The following CNTD1 variants were observed in gnomAD, a reference collection of about 807,000 sequenced individuals.
CNTD1 encodes the protein cyclin N-terminal domain-containing protein 1.
CNTD1 carries 17 observed loss-of-function variants against 36.3 expected under a neutral mutation model. That is an observed-to-expected ratio of 0.47 (90% CI 0.32 to 0.70). The LOEUF is 0.70. Among genes scored for constraint, CNTD1 ranks in the 30% least tolerant of loss-of-function variants. The pLI is 0.03. For synonymous variants in CNTD1, 128 were observed against 153.3 expected (o/e 0.83, Z 1.22); for missense variants, 338 against 386.1 (o/e 0.88, Z 1.04).
intron 6 of CNTD1, among the ~76,000 whole-genome samples, chr17:42,808,310 A>G (rs541528212): frequency 2.6e-5 from 4 of 152,166 alleles, no homozygotes; most frequent in African/African-American, 9.6e-5. Context: ...GCACTTTAGG[A>G]GGCCGAGGTG....
intron 3 of CNTD1, chr17:42,805,516 C>A: frequency 2.6e-6 from 1 of 389,278 alleles, no homozygotes; most frequent in South Asian, 3.5e-5. Context: ...TAGAAAACAG[C>A]CTGTGTAGTG....
At chr17:42,804,484 A>T in intron 3 of CNTD1, 88 bp downstream of exon 3, 3 of 1,089,206 alleles carry the variant, frequency 2.8e-6, no homozygotes, top group Non-Finnish European at 4.0e-6. Flanking sequence ...GCTTCAAGTC[A>T]GTGACAAGAA....
intron 3 of CNTD1, 185 bp from the exon 4 acceptor site, chr17:42,805,537 G>A: frequency 2.0e-6 from 1 of 489,068 alleles, no homozygotes; most frequent in South Asian, 2.4e-5. Context: ...GCTTGGAGAG[G>A]GACAGCATGG....
At position 42,810,950 on chromosome 17, in the gene CNTD1, C is replaced by G. The variant is rs747199925; in HGVS notation, c.*1415C>G. On this transcript the variant is annotated 3_prime_UTR_variant, in exon 7 of 7. Coordinates refer to ENST00000588408, the MANE Select transcript of CNTD1 (RefSeq NM_173478.3). Reference sequence around the variant, plus strand: ...CATCCTGCAGATGGACAGAGCAAAACTCATTAGTAACTGAGATCTGAGTTA... The same window carrying G: ...CATCCTGCAGATGGACAGAGCAAAAGTCATTAGTAACTGAGATCTGAGTTA... 1 of 1,557,664 alleles carries G rather than the reference C, an allele frequency of 6.4e-7. No homozygotes were observed. The highest frequency in any genetic ancestry group is 1.9e-5 in the Admixed American group (1 of 51,338).
rs992839917 is a variant in CNTD1, at chr17:42,806,837, G to C, written c.725+19G>C. On this transcript the variant is annotated intron_variant, in intron 5 of 6. Coordinates refer to ENST00000588408, the MANE Select transcript of CNTD1 (RefSeq NM_173478.3). ...TGCAAGGGTAAGACAACTCCTATAG[G>C]GTAGGCTCCTTCCAGGAACAGGGAA... is the stretch of plus-strand genomic sequence containing the variant. 5 of 1,612,782 alleles carry C rather than the reference G, an allele frequency of 3.1e-6. No homozygotes were observed. Among genetic ancestry groups the C allele is most frequent in the Non-Finnish European group, 3.4e-6 (4 of 1,179,298 alleles).
At position 42,809,622 on chromosome 17, in the gene CNTD1, A is replaced by C; in HGVS notation, c.*87A>C. 3 of 1,238,844 alleles carry C rather than the reference A, an allele frequency of 2.4e-6. No homozygotes were observed. Among genetic ancestry groups the C allele is most frequent in the African/African-American group, 1.5e-5 (1 of 66,306 alleles). 76.7% of individuals were successfully genotyped at this position (1,238,844 alleles called of 1,614,324 possible). On this transcript the variant is annotated 3_prime_UTR_variant, in exon 7 of 7. Coordinates refer to ENST00000588408, the MANE Select transcript of CNTD1 (RefSeq NM_173478.3). The stretch of plus-strand genomic sequence containing the variant: ...TTACTTTCATACTAAGGGTACAAAA[A>C]TTCCAAGTCTCTTTTGAACTGTATT...
chr17:42,801,176 C>T (rs1156635150), intron 1 of CNTD1, among the ~76,000 whole-genome samples: 1 of 143,260 alleles, frequency 7.0e-6, no homozygotes, highest in Non-Finnish European at 1.5e-5. Flanking sequence ...CAGAGCAAGA[C>T]TCTGTCTCCC....
At chr17:42,805,563 T>C in intron 3 of CNTD1, 159 bp from the exon 4 acceptor site, 1 of 605,268 alleles carries the variant, frequency 1.7e-6, no homozygotes, top group East Asian at 3.2e-5. Flanking sequence ...TTGGGAACTG[T>C]AAGCAATTTG....
rs1249393601 is a variant in CNTD1, at chr17:42,809,511, G to C, written c.969G>C (p.Lys323Asn). Residue 323 changes from lysine (K) to asparagine (N), a missense_variant, in exon 7 of 7, where the codon AAG becomes AAC. Lys to Asn is a moderately conservative substitution (Grantham distance 94). Coordinates refer to ENST00000588408, the MANE Select transcript of CNTD1 (RefSeq NM_173478.3). ...IPPHLAARALKTVASSNT is the reference protein window; with the variant it reads ...IPPHLAARALNTVASSNT The stretch of plus-strand genomic sequence containing the variant: ...CCCACCTGGCAGCCAGAGCTCTGAA[G>C]ACTGTTGCTTCCTCTAACACATGAG... 3 of 1,614,048 alleles carry C rather than the reference G, an allele frequency of 1.9e-6. No individual in the cohort carries two copies. Among genetic ancestry groups the C allele is most frequent in the Non-Finnish European group, 2.5e-6 (3 of 1,180,008 alleles).
intron 1 of CNTD1, among the ~76,000 whole-genome samples, chr17:42,800,855 A>G (rs1255118257): frequency 6.6e-6 from 1 of 152,174 alleles, no homozygotes; most frequent in Non-Finnish European, 1.5e-5. Context: ...TAAACGGTTG[A>G]GCCTGGAAGA....
intron 3 of CNTD1, 110 bp from the exon 4 acceptor site, chr17:42,805,612 C>G (rs897962924): frequency 1.9e-5 from 18 of 962,680 alleles, no homozygotes; most frequent in Non-Finnish European, 2.3e-5. Context: ...TACCAAGAGA[C>G]AAGACTGAAG....
At chr17:42,800,224 C>T (rs563392332) in intron 1 of CNTD1, among the ~76,000 whole-genome samples, 2 of 151,758 alleles carry the variant, frequency 1.3e-5, no homozygotes, top group East Asian at 1.9e-4. Flanking sequence ...ATAAAACAAG[C>T]GTTTATGGGG....
chr17:42,806,637 T>C (rs2054883137), intron 4 of CNTD1, 37 bp from the exon 5 acceptor site: 2 of 1,604,872 alleles, frequency 1.2e-6, no homozygotes, highest in Non-Finnish European at 1.7e-6. Flanking sequence ...GAAGACATGA[T>C]CATAAATTCT....
chr17:42,808,993 G>A (rs2054935167), intron 6 of CNTD1, among the ~76,000 whole-genome samples: 1 of 152,228 alleles, frequency 6.6e-6, no homozygotes, highest in Non-Finnish European at 1.5e-5. Flanking sequence ...AGGCTGCAGT[G>A]AGCCAAAAAT....
In CNTD1 at chr17:42,811,210, T is replaced by C; in HGVS notation, c.*1675T>C. On this transcript the variant is annotated 3_prime_UTR_variant, in exon 7 of 7. Coordinates refer to ENST00000588408, the MANE Select transcript of CNTD1 (RefSeq NM_173478.3). ...GTTACAGTACTTCTTGCTGTTTTCC[T>C]AGGCATCCCTGAACTTGGCGGGGGA... 3 of 339,470 alleles carry C rather than the reference T, an allele frequency of 8.8e-6. No individual in the cohort carries two copies. Among genetic ancestry groups the C allele is most frequent in the Non-Finnish European group, 1.6e-5 (3 of 190,158 alleles). The allele number at this position is 339,470 out of a possible 1,614,324, so 21.0% of individuals were successfully genotyped here.
chr17:42,810,799 C>A lies in CNTD1; in HGVS notation c.*1264C>A. Reference sequence around the variant, plus strand: ...ATTGTGAGGACACCCAAGCAAGACCCCACTTAAGATTCGTCAGCATGAACT... The same window carrying A: ...ATTGTGAGGACACCCAAGCAAGACCACACTTAAGATTCGTCAGCATGAACT... On this transcript the variant is annotated 3_prime_UTR_variant, in exon 7 of 7. Coordinates refer to ENST00000588408, the MANE Select transcript of CNTD1 (RefSeq NM_173478.3). 1 of 1,613,332 alleles carries A rather than the reference C, an allele frequency of 6.2e-7. No individual in the cohort carries two copies. The highest frequency in any genetic ancestry group is 8.5e-7 in the Non-Finnish European group (1 of 1,179,636).
chr17:42,799,086 CCACGAT>C lies in CNTD1; in HGVS notation c.21_26del (p.Arg8_Ser9del). The C allele has an allele frequency of 6.2e-7, 1 of 1,614,004 alleles. No homozygotes were observed. Among genetic ancestry groups the C allele is most frequent in the Non-Finnish European group, 8.5e-7 (1 of 1,180,004 alleles). On this transcript the variant is annotated inframe_deletion, in exon 1 of 7. Transcript: ENST00000588408. ...CGTGAATATGGACGGACCCATGAGGCCACGATCGGCCTCCCTCGTTGACTTTCAGTT... is the reference window on the plus strand; with the variant it reads ...CGTGAATATGGACGGACCCATGAGGCCGGCCTCCCTCGTTGACTTTCAGTT...
intron 1 of CNTD1, among the ~76,000 whole-genome samples, chr17:42,800,807 A>G (rs949715103): frequency 1.8e-4 from 28 of 152,274 alleles, no homozygotes; most frequent in African/African-American, 6.7e-4. Context: ...TCTGCTGTGG[A>G]TAAATTTAGG....
rs190919599 is a variant in CNTD1, at chr17:42,810,028, A to G, written c.*493A>G. The G allele has an allele frequency of 6.6e-6, 1 of 152,312 alleles. No individual in the cohort carries two copies. The highest frequency in any genetic ancestry group is 1.5e-5 in the Non-Finnish European group (1 of 68,134). The allele number at this position is 152,312 out of a possible 1,614,324, so 9.4% of individuals were successfully genotyped here. On this transcript the variant is annotated 3_prime_UTR_variant, in exon 7 of 7. Transcript: ENST00000588408. ...TTTTTTAAAACTAAAACTAACTCTA[A>G]AGAAGTTTCAACAGAATTTCCACAT...
Sources: gnomAD v4.1 joint callset for allele counts (sites outside exome capture counted in the v4.1 genomes callset) on GRCh38, gnomAD v4.1.1 for gene constraint, MANE v1.5 for transcripts, NCBI Gene and HGNC (gene_info 2026-07-23, HGNC 2026-07-21) for gene names.